Variants in UNC5C observed in about 807,000 individuals in gnomAD.
UNC5C encodes the protein netrin receptor UNC5C.
UNC5C carries 47 observed loss-of-function variants against 99.8 expected under a neutral mutation model. The observed-to-expected ratio is 0.47, with a 90% CI of 0.37 to 0.60. The LOEUF is 0.60. Ranked by LOEUF, UNC5C falls within the 20% of genes least tolerant of loss-of-function variation. The probability of loss-of-function intolerance (pLI) is 0.00; values close to 1 mark genes in which losing one functional copy is unlikely to be tolerated. For synonymous variants in UNC5C, 487 were observed against 452.2 expected (o/e 1.08, Z -0.98); for missense variants, 1,062 against 1,165.9 (o/e 0.91, Z 1.30).
Position 95,456,580 on chromosome 4 carries a change from T to C in UNC5C, c.124+92154A>G, listed in dbSNP as rs7688020. Among the ~76,000 whole-genome samples, 1,311 of 152,206 alleles carry C rather than the reference T, an allele frequency of 8.6e-3. 12 individuals carry two copies. Among genetic ancestry groups the C allele is most frequent in the African/African-American group, 0.029 (1,195 of 41,544 alleles). ...CTTGATTTTCAGATAACAGATATTG[T>C]TTAATTTAAAAGAAGAAAATTCCTG... On this transcript the variant is annotated intron_variant, in intron 1 of 15. Coordinates refer to ENST00000453304, the MANE Select transcript of UNC5C (RefSeq NM_003728.4).
In UNC5C at chr4:95,194,570, C is replaced by T. The variant is rs142037528; in HGVS notation, c.2136+8161G>A. Among the ~76,000 whole-genome samples, 966 of 152,216 alleles carry T rather than the reference C, an allele frequency of 6.3e-3. 8 individuals are homozygous for T. The highest frequency in any genetic ancestry group is 0.022 in the African/African-American group (922 of 41,542). ...CTCACATTCTTTGGCTCACGGTCCC[C>T]TTCCGCTGTCTTCAAATCCAACAAT... On this transcript the variant is annotated intron_variant, in intron 12 of 15. Coordinates refer to ENST00000453304, the MANE Select transcript of UNC5C (RefSeq NM_003728.4).
chr4:95,177,009 G>A (rs1736387478), intron 14 of UNC5C, among the ~76,000 whole-genome samples: 1 of 152,184 alleles, frequency 6.6e-6, no homozygotes, highest in South Asian at 2.1e-4. Context: ...GATTTTCCAG[G>A]TGCCGTCTGT....
intron 7 of UNC5C, among the ~76,000 whole-genome samples, chr4:95,221,164 G>A (rs1738455819): frequency 6.6e-6 from 1 of 152,108 alleles, no homozygotes; most frequent in Admixed American, 6.6e-5. Flanking sequence ...AAACCTTTGT[G>A]GACCCCTTTG....
chr4:95,507,627 G>A (rs900411219), intron 1 of UNC5C, among the ~76,000 whole-genome samples: 4 of 151,808 alleles, frequency 2.6e-5, no homozygotes, highest in Non-Finnish European at 4.4e-5. Context: ...GAAAAAATTC[G>A]TAGCCTCCCC....
chr4:95,479,065 G>A (rs1721052036), intron 1 of UNC5C, among the ~76,000 whole-genome samples: 1 of 151,904 alleles, frequency 6.6e-6, no homozygotes, highest in African/African-American at 2.4e-5. Flanking sequence ...AGAACCATGA[G>A]CCAAATAAAT....
At chr4:95,534,992 C>T (rs756061458) in intron 1 of UNC5C, among the ~76,000 whole-genome samples, 3 of 152,112 alleles carry the variant, frequency 2.0e-5, no homozygotes, top group Non-Finnish European at 2.9e-5. Flanking sequence ...AGTTTGCTAA[C>T]TATTCTTCCT....
intron 1 of UNC5C, among the ~76,000 whole-genome samples, chr4:95,357,256 C>G (rs1428403642): frequency 1.3e-5 from 2 of 151,936 alleles, no homozygotes; most frequent in Non-Finnish European, 2.9e-5. Flanking sequence ...CCCACCTCAG[C>G]CTCCTGAGTA....
chr4:95,545,900 C>T (rs1297818967), intron 1 of UNC5C, among the ~76,000 whole-genome samples: 1 of 152,160 alleles, frequency 6.6e-6, no homozygotes, highest in East Asian at 1.9e-4. Context: ...TAGGGCATAG[C>T]CAGAAAGGAG....
chr4:95,489,813 T>C (rs992624226), intron 1 of UNC5C, among the ~76,000 whole-genome samples: 3 of 151,658 alleles, frequency 2.0e-5, no homozygotes, highest in Admixed American at 6.6e-5. Context: ...TTTTGTTTTA[T>C]GGATAGGTTG....
chr4:95,180,030 A>C (rs561165660), intron 14 of UNC5C, among the ~76,000 whole-genome samples: 2 of 152,212 alleles, frequency 1.3e-5, no homozygotes, highest in South Asian at 4.1e-4. Context: ...TGAAGTAGCA[A>C]AGTTGACTCA....
chr4:95,212,883 A>C (rs1310461393), intron 10 of UNC5C, among the ~76,000 whole-genome samples: 1 of 151,982 alleles, frequency 6.6e-6, no homozygotes, highest in Non-Finnish European at 1.5e-5. Flanking sequence ...TACCCTCTCC[A>C]TTCTCTCAGA....
At chr4:95,275,056 G>A (rs984025149) in intron 4 of UNC5C, among the ~76,000 whole-genome samples, 2 of 75,990 alleles carry the variant, frequency 2.6e-5, no homozygotes, top group Non-Finnish European at 5.8e-5. Context: ...AAACATCAGG[G>A]TAAGGGCAGC....
intron 12 of UNC5C, among the ~76,000 whole-genome samples, chr4:95,195,319 G>T (rs78243617): frequency 0.069 from 10,497 of 152,174 alleles, 391 homozygotes; most frequent in Middle Eastern, 0.088. Context: ...GCTGTACCAC[G>T]CTCCCTCCCA....
rs369184263 is a variant in UNC5C, at chr4:95,288,363, G to A, written c.491-10001C>T. On this transcript the variant is annotated intron_variant, in intron 3 of 15. Transcript: ENST00000453304. Reference sequence around the variant, plus strand: ...CTCCCAAACTGCTGGGATTACAGGCGTGAGCCACCGTGCCCAGCACTTTAC... The same window carrying A: ...CTCCCAAACTGCTGGGATTACAGGCATGAGCCACCGTGCCCAGCACTTTAC... Among the ~76,000 whole-genome samples, 22 of 152,196 alleles carry A rather than the reference G, an allele frequency of 1.4e-4. No homozygotes were observed. In the South Asian group the frequency reaches 4.1e-3, roughly 29 times the overall value.
At chr4:95,341,158 G>A (rs552767415) in intron 1 of UNC5C, among the ~76,000 whole-genome samples, 37 of 152,214 alleles carry the variant, frequency 2.4e-4, no homozygotes, top group African/African-American at 8.9e-4. Flanking sequence ...ATTACAGACA[G>A]AATGACATGA....
Position 95,219,965 on chromosome 4 carries a change from G to A in UNC5C, c.1300+20C>T. 1 of 1,608,652 alleles carries A rather than the reference G, an allele frequency of 6.2e-7. No homozygotes were observed. Among genetic ancestry groups the A allele is most frequent in the Admixed American group, 1.7e-5 (1 of 59,690 alleles). On this transcript the variant is annotated intron_variant, in intron 8 of 15. Transcript: ENST00000453304. Reference sequence around the variant, plus strand: ...CTTACATGCATAAGTAACAGGGTGTGAAGTGGAATGTCAACTGACCTTGTC... The same window carrying A: ...CTTACATGCATAAGTAACAGGGTGTAAAGTGGAATGTCAACTGACCTTGTC...
At chr4:95,311,305 AT>A (rs1175070532) in intron 2 of UNC5C, among the ~76,000 whole-genome samples, 1 of 152,192 alleles carries the variant, frequency 6.6e-6, no homozygotes, top group Non-Finnish European at 1.5e-5. Flanking sequence ...AAAAAAAACA[AT>A]TTTGTGAATA....
At chr4:95,327,411 T>A (rs971960439) in intron 2 of UNC5C, among the ~76,000 whole-genome samples, 1 of 151,986 alleles carries the variant, frequency 6.6e-6, no homozygotes, top group Non-Finnish European at 1.5e-5. Flanking sequence ...ATTCACAGGA[T>A]TGAAAAAAAC....
chr4:95,219,460 G>A (rs1332111945), intron 8 of UNC5C, 147 bp from the exon 9 acceptor site: 1 of 720,956 alleles, frequency 1.4e-6, no homozygotes, highest in Non-Finnish European at 2.3e-6. Context: ...CTGAAAACAG[G>A]GCAATCAGAT....
Sources: gnomAD v4.1 joint callset for allele counts (sites outside exome capture counted in the v4.1 genomes callset) on GRCh38, gnomAD v4.1.1 for gene constraint, MANE v1.5 for transcripts, NCBI Gene and HGNC (gene_info 2026-07-23, HGNC 2026-07-21) for gene names.